PHACTR3: variants seen among roughly 807,000 people sequenced by gnomAD.
PHACTR3 encodes the protein protein phosphatase 1, regulatory subunit 123.
A neutral mutation model predicts 66.8 loss-of-function variants in PHACTR3; 16 were observed. That is an observed-to-expected ratio of 0.24 (90% CI 0.16 to 0.36). PHACTR3 has a LOEUF of 0.36. PHACTR3 is among the 10% of genes least tolerant of loss of function. The pLI is 1.00. For missense variants in PHACTR3, 647 were observed against 719.9 expected, an observed-to-expected ratio of 0.90 and a Z score of 1.16; for synonymous variants, 323 against 292.1, an observed-to-expected ratio of 1.11 and a Z score of -1.08.
intron 1 of PHACTR3, among the ~76,000 whole-genome samples, chr20:59,660,078 AG>A (rs2035758892): frequency 6.6e-6 from 1 of 152,156 alleles, no homozygotes; most frequent in Admixed American, 6.5e-5. Flanking sequence ...TTTCCTCCTT[AG>A]CCCCCCACTT....
In PHACTR3 at chr20:59,767,779, T is replaced by G. The variant is rs1202166151; in HGVS notation, c.751+384T>G. ...CTTGGCTTTAGCTTGGCTTGGCTTT[T>G]CTTTTTCTTTTTTCTTTTCCTTTCC... is the stretch of plus-strand genomic sequence containing the variant. On this transcript the variant is annotated intron_variant, in intron 5 of 12. Transcript: ENST00000371015. 2.0e-5 allele frequency among the ~76,000 whole-genome samples: 3 copies of G among 152,048 alleles called. No individual in the cohort carries two copies. In the East Asian group the frequency reaches 5.8e-4, roughly 29 times the overall value.
chr20:59,719,724 C>G (rs958164677), intron 1 of PHACTR3, among the ~76,000 whole-genome samples: 1 of 152,264 alleles, frequency 6.6e-6, no homozygotes, highest in East Asian at 1.9e-4. Context: ...GGAATTAGTT[C>G]GGCTTCCCAA....
chr20:59,826,683 A>G (rs1324387400), intron 8 of PHACTR3, among the ~76,000 whole-genome samples: 1 of 152,008 alleles, frequency 6.6e-6, no homozygotes, highest in African/African-American at 2.4e-5. Context: ...TGCTCTGCAC[A>G]CACAGTCCTG....
At chr20:59,660,013 C>T (rs1253545112) in intron 1 of PHACTR3, among the ~76,000 whole-genome samples, 1 of 152,150 alleles carries the variant, frequency 6.6e-6, no homozygotes, top group African/African-American at 2.4e-5. Context: ...GTCTTCCCTG[C>T]CCCCAGCCTT....
intron 1 of PHACTR3, among the ~76,000 whole-genome samples, chr20:59,737,544 G>A (rs2038991947): frequency 1.3e-5 from 2 of 151,850 alleles, no homozygotes; most frequent in South Asian, 4.2e-4. Flanking sequence ...GCGTGCATGT[G>A]CATGTGTGTG....
rs540852540 is a variant in PHACTR3, at chr20:59,715,711, G to A, written c.119-27396G>A. 4.7e-4 allele frequency among the ~76,000 whole-genome samples: 71 copies of A among 152,158 alleles called. 1 individual carries two copies. The South Asian group carries it at 0.013, about 28-fold the overall frequency. On this transcript the variant is annotated intron_variant, in intron 1 of 12. Coordinates refer to ENST00000371015, the MANE Select transcript of PHACTR3 (RefSeq NM_080672.5). The stretch of plus-strand genomic sequence containing the variant: ...GGTATTATTTCTTCCTTGAGAGCTT[G>A]GAGGAATTTACTGTGGGGCCCATAC...
chr20:59,654,091 GATA>G (rs1243265635), intron 1 of PHACTR3, among the ~76,000 whole-genome samples: 4 of 152,150 alleles, frequency 2.6e-5, no homozygotes, highest in Admixed American at 2.0e-4. Context: ...TTTCCAACAG[GATA>G]ATGACTAGAA....
intron 1 of PHACTR3, among the ~76,000 whole-genome samples, chr20:59,613,695 T>A (rs985945213): frequency 6.6e-6 from 1 of 152,190 alleles, no homozygotes; most frequent in Non-Finnish European, 1.5e-5. Context: ...ACAAAACATG[T>A]CTGGGAGCTG....
chr20:59,611,817 C>G (rs2033859202), intron 1 of PHACTR3, among the ~76,000 whole-genome samples: 1 of 152,242 alleles, frequency 6.6e-6, no homozygotes, highest in Non-Finnish European at 1.5e-5. Context: ...ACAAGTTATT[C>G]CCTCTGGTCT....
intron 1 of PHACTR3, among the ~76,000 whole-genome samples, chr20:59,680,245 C>G (rs2036595327): frequency 6.6e-6 from 1 of 152,130 alleles, no homozygotes; most frequent in Non-Finnish European, 1.5e-5. Flanking sequence ...AGACCTGGAG[C>G]CAGCAAACAA....
At chr20:59,745,865 G>A (rs74525586) in intron 2 of PHACTR3, among the ~76,000 whole-genome samples, 3,414 of 152,268 alleles carry the variant, frequency 0.022, 63 homozygotes, top group Non-Finnish European at 0.036. Flanking sequence ...GTAGAGCCTC[G>A]CAGCTGCATC....
intron 8 of PHACTR3, among the ~76,000 whole-genome samples, chr20:59,810,229 C>T (rs1035077486): frequency 3.3e-5 from 5 of 152,242 alleles, no homozygotes; most frequent in African/African-American, 9.6e-5. Flanking sequence ...GAAGGTTGGG[C>T]TGCCGGGGAT....
At chr20:59,806,017 T>A (rs892251206) in intron 7 of PHACTR3, 24 bp from the exon 8 acceptor site, 1 of 1,608,132 alleles carries the variant, frequency 6.2e-7, no homozygotes, top group Non-Finnish European at 8.5e-7. Context: ...CCTTCTCTCC[T>A]CTTGCCCTGG....
At chr20:59,705,890 G>A (rs1269463527) in intron 1 of PHACTR3, among the ~76,000 whole-genome samples, 2 of 152,108 alleles carry the variant, frequency 1.3e-5, no homozygotes, top group African/African-American at 2.4e-5. Flanking sequence ...CCTGAGGAGG[G>A]ACGAGGATCT....
At chr20:59,720,347 C>T (rs935888898) in intron 1 of PHACTR3, among the ~76,000 whole-genome samples, 8 of 152,190 alleles carry the variant, frequency 5.3e-5, no homozygotes, top group African/African-American at 1.4e-4. Flanking sequence ...GGTGTTCACC[C>T]GGATGGGCGT....
chr20:59,819,787 C>T (rs954223499), intron 8 of PHACTR3, among the ~76,000 whole-genome samples: 8 of 151,382 alleles, frequency 5.3e-5, no homozygotes, highest in Non-Finnish European at 1.0e-4. Context: ...TCAGCTGAGG[C>T]ACCTGGCTGG....
At chr20:59,630,839 G>A (rs995702377) in intron 1 of PHACTR3, among the ~76,000 whole-genome samples, 1 of 152,046 alleles carries the variant, frequency 6.6e-6, no homozygotes, top group Non-Finnish European at 1.5e-5. Context: ...AGGGGCAGAG[G>A]GTTCTTAGGC....
At chr20:59,780,702 T>A (rs553551421) in intron 7 of PHACTR3, among the ~76,000 whole-genome samples, 1 of 152,300 alleles carries the variant, frequency 6.6e-6, no homozygotes, top group East Asian at 1.9e-4. Flanking sequence ...TGGGTGGGCC[T>A]CCGTCTCTGG....
intron 4 of PHACTR3, among the ~76,000 whole-genome samples, chr20:59,764,579 A>G (rs73146807): frequency 0.025 from 3,840 of 152,284 alleles, 66 homozygotes; most frequent in Middle Eastern, 0.034. Context: ...TCGTCTGTAA[A>G]TAGGTCAAAC....
Sources: allele counts gnomAD v4.1 joint callset (sites outside exome capture counted in the v4.1 genomes callset), GRCh38; gene constraint gnomAD v4.1.1; transcripts MANE v1.5; gene names NCBI Gene and HGNC (gene_info 2026-07-23, HGNC 2026-07-21).